The following TENM2 variants were observed in gnomAD, a reference collection of about 807,000 sequenced individuals.
TENM2 encodes the protein teneurin-2.
TENM2 carries 52 observed loss-of-function variants against 245.2 expected under a neutral mutation model. That is an observed-to-expected ratio of 0.21 (90% CI 0.17 to 0.27). The LOEUF (loss-of-function observed/expected upper bound fraction) is 0.27. TENM2 is among the 10% of genes least tolerant of loss of function. The pLI is 1.00. For synonymous variants in TENM2, 1,363 were observed against 1,438.9 expected, an observed-to-expected ratio of 0.95 and a Z score of 1.19; for missense variants, 3,046 against 3,666.8, an observed-to-expected ratio of 0.83 and a Z score of 4.37.
At chr5:167,011,099 A>C in the TENM2 span, among the ~76,000 whole-genome samples, 1 of 152,338 alleles carries the variant, frequency 6.6e-6, no homozygotes, top group African/African-American at 2.4e-5. Flanking sequence ...ACATATTGAC[A>C]TATAAATTAT....
chr5:168,073,491 A>G, intron 7 of TENM2, among the ~76,000 whole-genome samples: 1 of 152,034 alleles, frequency 6.6e-6, no homozygotes, highest in East Asian at 1.9e-4. Context: ...TGCTTTAGTC[A>G]CTCTTCGCTA....
At chr5:167,893,240 A>G (rs1183911627) in intron 3 of TENM2, among the ~76,000 whole-genome samples, 1 of 152,158 alleles carries the variant, frequency 6.6e-6, no homozygotes, top group African/African-American at 2.4e-5. Context: ...ACCATTAAAA[A>G]CAATTCACAT....
At chr5:167,405,799 C>CAG (rs1328597390) in intron 2 of TENM2, among the ~76,000 whole-genome samples, 2 of 151,440 alleles carry the variant, frequency 1.3e-5, no homozygotes, top group Admixed American at 6.6e-5. Flanking sequence ...CACACACACA[C>CAG]GCACACAGAG....
rs576986788 is a variant in TENM2 at position 167,799,252 on chromosome 5, T to C, written c.503-76734T>C. ...GCAGGGGAGGGGGTGTACTTGAGATTTTAAATGAACAATAATGTGCATTAA... is the reference window on the plus strand; with the variant it reads ...GCAGGGGAGGGGGTGTACTTGAGATCTTAAATGAACAATAATGTGCATTAA... On this transcript the variant is annotated intron_variant, in intron 2 of 28. Coordinates refer to ENST00000518659, the Ensembl canonical transcript of TENM2. 2.6e-4 allele frequency among the ~76,000 whole-genome samples: 40 copies of C among 152,338 alleles called. No homozygotes were observed. The East Asian group carries it at 5.8e-3, about 22-fold the overall frequency.
chr5:168,210,285 C>A (rs535789673), intron 19 of TENM2, among the ~76,000 whole-genome samples: 10 of 152,268 alleles, frequency 6.6e-5, no homozygotes, highest in African/African-American at 2.2e-4. Context: ...ATCCTTCACC[C>A]CGCCCTTCTC....
chr5:167,399,493 A>T (rs764364704), intron 2 of TENM2, among the ~76,000 whole-genome samples: 1 of 152,192 alleles, frequency 6.6e-6, no homozygotes, highest in Non-Finnish European at 1.5e-5. Flanking sequence ...TACAAAGATA[A>T]ATTTCACAAA....
chr5:167,657,234 T>C (rs1457926883), intron 2 of TENM2, among the ~76,000 whole-genome samples: 1 of 152,234 alleles, frequency 6.6e-6, no homozygotes, highest in East Asian at 1.9e-4. Flanking sequence ...AATGCGACGT[T>C]TAACTTTCTG....
At chr5:167,598,602 A>C (rs1490994854) in intron 2 of TENM2, among the ~76,000 whole-genome samples, 1 of 152,228 alleles carries the variant, frequency 6.6e-6, no homozygotes, top group Non-Finnish European at 1.5e-5. Context: ...GAAAACCGTC[A>C]TGAAAGTTAT....
chr5:167,947,127 C>T (rs913004823), intron 3 of TENM2, among the ~76,000 whole-genome samples: 1 of 152,102 alleles, frequency 6.6e-6, no homozygotes, highest in Non-Finnish European at 1.5e-5. Flanking sequence ...AATGCAGCCG[C>T]ATGTTCATTG....
At chr5:167,801,462 T>C (rs1240462620) in intron 2 of TENM2, among the ~76,000 whole-genome samples, 2 of 152,022 alleles carry the variant, frequency 1.3e-5, no homozygotes, top group East Asian at 3.9e-4. Context: ...ATAAATACAA[T>C]GGACAAGATG....
chr5:167,760,024 G>A lies in TENM2; in HGVS notation c.503-115962G>A, dbSNP rs11738074. Among the ~76,000 whole-genome samples, 1,092 of 152,268 alleles carry A rather than the reference G, an allele frequency of 7.2e-3. 17 individuals carry two copies. Among genetic ancestry groups the A allele is most frequent in the Non-Finnish European group, 9.1e-3 (622 of 68,026 alleles). Reference sequence around the variant, plus strand: ...TGGTCTTACTTGAGCTTACTAGAGCGGTGGCTGTACTTAAGCTCTACATCT... The same window carrying A: ...TGGTCTTACTTGAGCTTACTAGAGCAGTGGCTGTACTTAAGCTCTACATCT... On this transcript the variant is annotated intron_variant, in intron 2 of 28. Transcript: ENST00000518659.
chr5:167,900,361 C>T (rs1304400624), intron 3 of TENM2, among the ~76,000 whole-genome samples: 1 of 152,028 alleles, frequency 6.6e-6, no homozygotes, highest in East Asian at 1.9e-4. Flanking sequence ...ATCTGTGTAT[C>T]ATGAAGGTGG....
chr5:168,131,881 A>G (rs1488546349), intron 12 of TENM2, among the ~76,000 whole-genome samples: 4 of 152,200 alleles, frequency 2.6e-5, no homozygotes, highest in Admixed American at 1.3e-4. Context: ...TAATTAACCT[A>G]TTCCTCCAGG....
intron 2 of TENM2, among the ~76,000 whole-genome samples, chr5:167,848,480 T>C (rs1770261113): frequency 6.6e-6 from 1 of 152,188 alleles, no homozygotes; most frequent in Admixed American, 6.5e-5. Flanking sequence ...TATGTATATA[T>C]CTTCATATAT....
At chr5:167,682,665 G>A (rs7704469) in intron 2 of TENM2, among the ~76,000 whole-genome samples, 64,305 of 151,738 alleles carry the variant, frequency 0.42, 16,139 homozygotes, top group East Asian at 0.9. Context: ...GTATTTATAT[G>A]TACAGGCAGA....
chr5:167,831,388 T>G (rs1376809240), intron 2 of TENM2, among the ~76,000 whole-genome samples: 2 of 151,982 alleles, frequency 1.3e-5, no homozygotes, highest in Non-Finnish European at 2.9e-5. Flanking sequence ...CTCTGAGGTC[T>G]TATAGGGCCC....
intron 19 of TENM2, among the ~76,000 whole-genome samples, chr5:168,209,496 C>T (rs1342836442): frequency 6.6e-6 from 1 of 152,206 alleles, no homozygotes; most frequent in Non-Finnish European, 1.5e-5. Flanking sequence ...CACATGAGCT[C>T]ATCCTCCTGA....
intron 2 of TENM2, among the ~76,000 whole-genome samples, chr5:167,780,433 A>C (rs1764113115): frequency 6.6e-6 from 1 of 152,182 alleles, no homozygotes; most frequent in Non-Finnish European, 1.5e-5. Flanking sequence ...TATCGTAAAC[A>C]AGTGTCCTTT....
At chr5:167,764,957 C>G (rs1315372293) in intron 2 of TENM2, among the ~76,000 whole-genome samples, 2 of 152,102 alleles carry the variant, frequency 1.3e-5, no homozygotes, top group African/African-American at 4.8e-5. Context: ...CTGGGGTGAG[C>G]CTTTTAGCCC....
Sources: allele counts gnomAD v4.1 joint callset (sites outside exome capture counted in the v4.1 genomes callset), GRCh38; gene constraint gnomAD v4.1.1; transcripts MANE v1.5; gene names NCBI Gene and HGNC (gene_info 2026-07-23, HGNC 2026-07-21).